BRIP1: variants seen among roughly 807,000 people sequenced by gnomAD.
BRIP1 encodes the protein Fanconi anemia group J protein.
BRIP1 carries 88 observed loss-of-function variants against 119.7 expected under a neutral mutation model. The ratio of observed to expected loss-of-function variants is 0.74; its 90% confidence interval spans 0.62 to 0.88. The LOEUF is 0.88. Ranked by LOEUF, BRIP1 falls within the 40% of genes least tolerant of loss-of-function variation. The probability of loss-of-function intolerance (pLI) is 0.00; values close to 1 mark genes in which losing one functional copy is unlikely to be tolerated. For synonymous variants in BRIP1, 443 were observed against 496.5 expected, an observed-to-expected ratio of 0.89 and a Z score of 1.43; for missense variants, 1,259 against 1,455.4, an observed-to-expected ratio of 0.87 and a Z score of 2.20.
intron 10 of BRIP1, among the ~76,000 whole-genome samples, chr17:61,787,430 TATATATACTATATATTATATATAA>T (rs2077746392): frequency 9.0e-6 from 1 of 111,064 alleles, no homozygotes; most frequent in African/African-American, 3.6e-5. Flanking sequence ...AAATATATAA[TATATATACTATATATTATATATAA>T]ATATATAATA....
At position 61,847,208 on chromosome 17, in the gene BRIP1, G is replaced by A. The variant is rs776248182; in HGVS notation, c.520C>T (p.His174Tyr). 6 of 1,613,722 alleles carry A rather than the reference G, an allele frequency of 3.7e-6. No homozygotes were observed. Among genetic ancestry groups the A allele is most frequent in the South Asian group, 2.2e-5 (2 of 91,062 alleles). The part of the protein sequence containing the change: ...LETTQQIRKR[H>Y]CFGTEVHNLD... Reference sequence around the variant, plus strand: ...TTGTGTACTTCTGTTCCAAAGCAATGACGTTTTCTAATCTGTAAACACAGA... The same window carrying A: ...TTGTGTACTTCTGTTCCAAAGCAATAACGTTTTCTAATCTGTAAACACAGA... Residue 174 changes from histidine (H) to tyrosine (Y), a missense_variant, in exon 6 of 20, where the codon CAT (histidine) becomes TAT (tyrosine). Transcript: ENST00000259008.
intron 17 of BRIP1, among the ~76,000 whole-genome samples, chr17:61,694,993 G>T (rs1320481188): frequency 2.0e-5 from 3 of 150,856 alleles, no homozygotes; most frequent in African/African-American, 7.3e-5. Context: ...TCTTGATACT[G>T]TCCTTTGAAG....
At chr17:61,818,624 G>A (rs1052436010) in intron 6 of BRIP1, among the ~76,000 whole-genome samples, 3 of 152,164 alleles carry the variant, frequency 2.0e-5, no homozygotes, top group African/African-American at 7.2e-5. Flanking sequence ...AGGCCCCAAA[G>A]AGAACAGAGA....
Position 61,680,503 on chromosome 17 carries a change from G to T in BRIP1, c.*2793C>A, listed in dbSNP as rs551028941. Among the ~76,000 whole-genome samples the T allele has an allele frequency of 2.2e-5, 1 of 45,304 alleles. No homozygotes were observed. Among genetic ancestry groups the T allele is most frequent in the Non-Finnish European group, 4.0e-5 (1 of 25,266 alleles). The allele number at this position is 45,304 out of a possible 152,430, so 29.7% of individuals were successfully genotyped here. Reference sequence around the variant, plus strand: ...TTCTTTTTTTTTTTTTTTTTGAGACGGAGTCCCGCTCTGTCGCCCAGGCTG... The same window carrying T: ...TTCTTTTTTTTTTTTTTTTTGAGACTGAGTCCCGCTCTGTCGCCCAGGCTG... On this transcript the variant is annotated 3_prime_UTR_variant, in exon 20 of 20. Coordinates refer to ENST00000259008, the MANE Select transcript of BRIP1 (RefSeq NM_032043.3).
chr17:61,819,401 T>A (rs562061077), intron 6 of BRIP1, among the ~76,000 whole-genome samples: 2 of 152,096 alleles, frequency 1.3e-5, no homozygotes, highest in Admixed American at 1.3e-4. Flanking sequence ...AGAAAGAAAA[T>A]CAGTATATCG....
intron 16 of BRIP1, among the ~76,000 whole-genome samples, chr17:61,716,831 G>GAA (rs371307141): frequency 5.9e-3 from 872 of 148,796 alleles, no homozygotes; most frequent in African/African-American, 8.1e-3. Context: ...TCCACTACTG[G>GAA]ATTATTAGCT....
rs528553047 is a variant in BRIP1, at chr17:61,775,232, G to T, written c.2097+1169C>A. ...TGGAATAAATCTTGTTTTCCATTAA[G>T]AATTTTAAAAAATGTTTATGTCCGT... On this transcript the variant is annotated intron_variant, in intron 14 of 19. Coordinates refer to ENST00000259008, the MANE Select transcript of BRIP1 (RefSeq NM_032043.3). The surrounding 1 kb of genome is among the most constrained non-coding windows in gnomAD (Gnocchi z 4.4). Among the ~76,000 whole-genome samples the T allele has an allele frequency of 1.4e-4, 21 of 152,112 alleles. 1 individual carries two copies. Among genetic ancestry groups the T allele is most frequent in the African/African-American group, 5.1e-4 (21 of 41,524 alleles).
chr17:61,862,664 A>G lies in BRIP1; in HGVS notation c.-31+620T>C, dbSNP rs561062244. ...CCGTAAATATATCTCAAGGAAATCAAAATAGCGGGGGAAATTACATGCACT... is the reference window on the plus strand; with the variant it reads ...CCGTAAATATATCTCAAGGAAATCAGAATAGCGGGGGAAATTACATGCACT... On this transcript the variant is annotated intron_variant, in intron 1 of 19. Coordinates refer to ENST00000259008, the MANE Select transcript of BRIP1 (RefSeq NM_032043.3). This position sits in a 1 kb window ranked among gnomAD's most constrained non-coding sequence, Gnocchi z 5.3. 6.6e-6 allele frequency among the ~76,000 whole-genome samples: 1 copy of G among 152,356 alleles called. No homozygotes were observed. The highest frequency in any genetic ancestry group is 2.1e-4 in the South Asian group (1 of 4,830).
rs876659757 is a variant in BRIP1 at position 61,684,005 on chromosome 17, C to G, written c.3041G>C (p.Gly1014Ala). The stretch of plus-strand genomic sequence containing the variant: ...CTCAGGTGTTGCCTTCGGTATTTTA[C>G]CAGTAAAATACTGTCCCAAAGAATT... Reference protein sequence around the residue: ...SFNSLGQYFTGKIPKATPELG... With the variant: ...SFNSLGQYFTAKIPKATPELG... The change falls in exon 20 of 20, where the codon GGT becomes GCT. Residue 1014 changes from glycine (G) to alanine (A), a missense_variant. By Grantham distance (60) the Gly-to-Ala change is moderately conservative. Coordinates refer to ENST00000259008, the MANE Select transcript of BRIP1 (RefSeq NM_032043.3). This position sits in a 1 kb window ranked among gnomAD's most constrained non-coding sequence, Gnocchi z 4.5. The G allele has an allele frequency of 1.9e-6, 3 of 1,614,098 alleles. No homozygotes were observed. The highest frequency in any genetic ancestry group is 2.5e-6 in the Non-Finnish European group (3 of 1,180,008).
chr17:61,749,195 G>A (rs1285034192), intron 14 of BRIP1, among the ~76,000 whole-genome samples: 1 of 151,278 alleles, frequency 6.6e-6, no homozygotes, highest in African/African-American at 2.4e-5. Flanking sequence ...GAAAATTTTT[G>A]TAACATTGGA....
rs67186945 is a variant in BRIP1 at position 61,722,036 on chromosome 17, C to CTTT, written c.2380-5976_2380-5974dup. Among the ~76,000 whole-genome samples the CTTT allele has an allele frequency of 1.4e-5, 2 of 141,834 alleles. No individual in the cohort carries two copies. The highest frequency in any genetic ancestry group is 1.5e-5 in the Non-Finnish European group (1 of 64,982). The allele number at this position is 141,834 out of a possible 152,430, so 93.0% of individuals were successfully genotyped here. A position where few individuals can be genotyped will look rare whatever the true frequency, so the allele number is the denominator to read the frequency against. Reference sequence around the variant, plus strand: ...GAGCCACCACGCCTAGCCAACTTTGCTTTTTTTTTTTTTCTTTTTTTTTGA... The same window carrying CTTT: ...GAGCCACCACGCCTAGCCAACTTTGCTTTTTTTTTTTTTTTTCTTTTTTTTTGA... On this transcript the variant is annotated intron_variant, in intron 16 of 19. Transcript: ENST00000259008. The surrounding 1 kb of genome is among the most constrained non-coding windows in gnomAD (Gnocchi z 4.6).
At position 61,690,583 on chromosome 17, in the gene BRIP1, C is replaced by G. The variant is rs1203610259; in HGVS notation, c.2575+2847G>C. On this transcript the variant is annotated intron_variant, in intron 18 of 19. Coordinates refer to ENST00000259008, the MANE Select transcript of BRIP1 (RefSeq NM_032043.3). The surrounding 1 kb of genome is among the most constrained non-coding windows in gnomAD (Gnocchi z 5.6). Reference sequence around the variant, plus strand: ...AAGAAAAATGAGAAAGGAATCAAAGCATTTTTCTTCAAAAAATTAAAAAAT... The same window carrying G: ...AAGAAAAATGAGAAAGGAATCAAAGGATTTTTCTTCAAAAAATTAAAAAAT... Among the ~76,000 whole-genome samples the G allele has an allele frequency of 1.3e-5, 2 of 151,994 alleles. No homozygotes were observed. Among genetic ancestry groups the G allele is most frequent in the African/African-American group, 4.8e-5 (2 of 41,380 alleles).
At position 61,793,833 on chromosome 17, in the gene BRIP1, C is replaced by T. The variant is rs961904824; in HGVS notation, c.1341-104G>A. Reference sequence around the variant, plus strand: ...TATTGTCATGCGTTGATCTGTATATCTTGACATTCTTAGGACATGAATGTG... The same window carrying T: ...TATTGTCATGCGTTGATCTGTATATTTTGACATTCTTAGGACATGAATGTG... On this transcript the variant is annotated intron_variant, in intron 9 of 19. Transcript: ENST00000259008. The surrounding 1 kb of genome is among the most constrained non-coding windows in gnomAD (Gnocchi z 5.2). 13 of 1,201,690 alleles carry T rather than the reference C, an allele frequency of 1.1e-5. No individual in the cohort carries two copies. In the South Asian group the frequency reaches 2.0e-4, roughly 19 times the overall value. The allele number at this position is 1,201,690 out of a possible 1,614,324, so 74.4% of individuals were successfully genotyped here.
rs907286547 is a variant in BRIP1 at position 61,708,294 on chromosome 17, G to C, written c.2492+7657C>G. Among the ~76,000 whole-genome samples, 1 of 152,098 alleles carries C rather than the reference G, an allele frequency of 6.6e-6. No individual in the cohort carries two copies. Among genetic ancestry groups the C allele is most frequent in the Non-Finnish European group, 1.5e-5 (1 of 68,012 alleles). On this transcript the variant is annotated intron_variant, in intron 17 of 19. Transcript: ENST00000259008. The surrounding 1 kb of genome is among the most constrained non-coding windows in gnomAD (Gnocchi z 4.4). ...TTAAAAATGCATGCCCTTCTGAGTTGCATGATAAAAATCTCATGCTGTCCC... is the reference window on the plus strand; with the variant it reads ...TTAAAAATGCATGCCCTTCTGAGTTCCATGATAAAAATCTCATGCTGTCCC...
chr17:61,777,936 C>G (rs555826887), intron 13 of BRIP1, among the ~76,000 whole-genome samples: 38 of 152,118 alleles, frequency 2.5e-4, no homozygotes, highest in Non-Finnish European at 5.3e-4. Flanking sequence ...CTTGGTCTTC[C>G]CGGAGGCCAG....
rs764821319 is a variant in BRIP1 at position 61,706,820 on chromosome 17, G to C, written c.2492+9131C>G. On this transcript the variant is annotated intron_variant, in intron 17 of 19. Transcript: ENST00000259008. This position sits in a 1 kb window ranked among gnomAD's most constrained non-coding sequence, Gnocchi z 5.7. ...TTCTTTTTGTGGATTAATTTTTAAT[G>C]TTTTCTGTCATTAATTAATCCCCAA... 6.6e-6 allele frequency among the ~76,000 whole-genome samples: 1 copy of C among 152,066 alleles called. No individual in the cohort carries two copies. Among genetic ancestry groups the C allele is most frequent in the South Asian group, 2.1e-4 (1 of 4,832 alleles).
chr17:61,836,032 A>G (rs982158391), intron 6 of BRIP1, among the ~76,000 whole-genome samples: 2 of 152,072 alleles, frequency 1.3e-5, no homozygotes, highest in Non-Finnish European at 2.9e-5. Context: ...TGGGGTTAAC[A>G]TAAGGGAGAA....
chr17:61,693,389 A>G lies in BRIP1; in HGVS notation c.2575+41T>C. ...TTTTCACCACAATAAAAATATGAAG[A>G]TTGTTACTAGTTTTTACTCTAAGCC... On this transcript the variant is annotated intron_variant, in intron 18 of 19. Coordinates refer to ENST00000259008, the MANE Select transcript of BRIP1 (RefSeq NM_032043.3). This position sits in a 1 kb window ranked among gnomAD's most constrained non-coding sequence, Gnocchi z 4.2. The G allele has an allele frequency of 1.3e-6, 2 of 1,513,178 alleles. No homozygotes were observed. Among genetic ancestry groups the G allele is most frequent in the Non-Finnish European group, 1.8e-6 (2 of 1,088,274 alleles). 93.7% of individuals were successfully genotyped at this position (1,513,178 alleles called of 1,614,324 possible).
Position 61,804,536 on chromosome 17 carries a change from G to A in BRIP1, c.919-3062C>T, listed in dbSNP as rs752825145. Among the ~76,000 whole-genome samples, 3 of 151,340 alleles carry A rather than the reference G, an allele frequency of 2.0e-5. No homozygotes were observed. Among genetic ancestry groups the A allele is most frequent in the East Asian group, 3.9e-4 (2 of 5,102 alleles). On this transcript the variant is annotated intron_variant, in intron 7 of 19. Coordinates refer to ENST00000259008, the MANE Select transcript of BRIP1 (RefSeq NM_032043.3). The surrounding 1 kb of genome is among the most constrained non-coding windows in gnomAD (Gnocchi z 4.5). ...CCCAAGTAGCTGGGATTACAAGCAC[G>A]CATCACCATGCCCAGCTAATTTTTT...
Sources: allele counts gnomAD v4.1 joint callset (sites outside exome capture counted in the v4.1 genomes callset), GRCh38; gene constraint gnomAD v4.1.1; non-coding constraint Gnocchi (gnomAD v3.1); transcripts MANE v1.5; gene names NCBI Gene and HGNC (gene_info 2026-07-23, HGNC 2026-07-21).